Variants in UVRAG observed in about 807,000 individuals in gnomAD.
UVRAG encodes the protein UV radiation resistance-associated gene protein.
In UVRAG, 19 loss-of-function variants were observed where a neutral mutation model predicts 78.0. The ratio of observed to expected loss-of-function variants is 0.24; its 90% CI spans 0.17 to 0.36. The LOEUF (loss-of-function observed/expected upper bound fraction) is 0.36. Ranked by LOEUF, UVRAG falls within the 10% of genes least tolerant of loss-of-function variation. The probability of loss-of-function intolerance (pLI) is 1.00; values close to 1 mark genes in which losing one functional copy is unlikely to be tolerated. For synonymous variants in UVRAG, 323 were observed against 324.6 expected (o/e 1.00, Z 0.05); for missense variants, 740 against 853.8 (o/e 0.87, Z 1.66).
At chr11:75,960,960 G>T (rs906120477) in intron 6 of UVRAG, among the ~76,000 whole-genome samples, 26 of 151,900 alleles carry the variant, frequency 1.7e-4, no homozygotes, top group East Asian at 1.9e-4. Context: ...TCATCTTTTG[G>T]TTTTTTCTTA....
intron 6 of UVRAG, among the ~76,000 whole-genome samples, chr11:75,922,476 A>G (rs1947999191): frequency 6.6e-6 from 1 of 152,112 alleles, no homozygotes; most frequent in South Asian, 2.1e-4. Context: ...ATCATCAGTA[A>G]AAGGATAGGC....
chr11:75,895,950 A>G (rs1186929797), intron 5 of UVRAG, among the ~76,000 whole-genome samples: 2 of 152,248 alleles, frequency 1.3e-5, no homozygotes, highest in African/African-American at 4.8e-5. Context: ...GGGATACAAA[A>G]GTATAAGACA....
intron 2 of UVRAG, among the ~76,000 whole-genome samples, chr11:75,861,229 A>G (rs1565350167): frequency 6.6e-6 from 1 of 152,234 alleles, no homozygotes; most frequent in South Asian, 2.1e-4. Flanking sequence ...TTAAAGAGAC[A>G]TAGTGTTAGT....
At chr11:75,998,403 C>T (rs1032198042) in intron 8 of UVRAG, among the ~76,000 whole-genome samples, 1 of 152,056 alleles carries the variant, frequency 6.6e-6, no homozygotes, top group Non-Finnish European at 1.5e-5. Context: ...ACAGACAATA[C>T]AAAGAATGGA....
At chr11:76,009,167 A>G (rs972479064) in intron 11 of UVRAG, among the ~76,000 whole-genome samples, 13 of 152,138 alleles carry the variant, frequency 8.5e-5, no homozygotes, top group Non-Finnish European at 1.6e-4. Flanking sequence ...TTTTGGTTTG[A>G]TTTTTATGAA....
chr11:76,080,182 A>C (rs181574368), intron 13 of UVRAG, among the ~76,000 whole-genome samples: 13 of 152,304 alleles, frequency 8.5e-5, no homozygotes, highest in Admixed American at 8.5e-4. Flanking sequence ...GTGGCAACCA[A>C]ATTTCAACAT....
At chr11:76,065,268 A>T (rs1951165086) in intron 12 of UVRAG, among the ~76,000 whole-genome samples, 1 of 152,246 alleles carries the variant, frequency 6.6e-6, no homozygotes, top group Admixed American at 6.5e-5. Flanking sequence ...ACCTTAAAAG[A>T]AACAGAAATC....
At chr11:75,932,899 GA>G (rs1382380153) in intron 6 of UVRAG, among the ~76,000 whole-genome samples, 1 of 152,144 alleles carries the variant, frequency 6.6e-6, no homozygotes, top group African/African-American at 2.4e-5. Flanking sequence ...AGATTTAGAA[GA>G]ATTAATATTG....
intron 1 of UVRAG, among the ~76,000 whole-genome samples, chr11:75,839,852 CATATAT>C (rs547913913): frequency 6.7e-6 from 1 of 149,970 alleles, no homozygotes; most frequent in African/African-American, 2.5e-5. Flanking sequence ...CACCCCCACA[CATATAT>C]ATATAGAGAG....
At chr11:75,983,712 A>C in intron 8 of UVRAG, 199 bp downstream of exon 8, 2 of 687,986 alleles carry the variant, frequency 2.9e-6, no homozygotes, top group Middle Eastern at 4.3e-4. Flanking sequence ...ACAAGCTCAG[A>C]TGGTATAAAC....
intron 3 of UVRAG, among the ~76,000 whole-genome samples, chr11:75,865,725 T>C (rs538022888): frequency 6.6e-6 from 1 of 152,126 alleles, no homozygotes; most frequent in East Asian, 2.0e-4. Context: ...AATGATTCTC[T>C]TGCTTCAGCC....
At chr11:75,974,108 T>C (rs1399638863) in intron 7 of UVRAG, among the ~76,000 whole-genome samples, 2 of 152,216 alleles carry the variant, frequency 1.3e-5, no homozygotes, top group African/African-American at 4.8e-5. Flanking sequence ...TTTCTAGTTC[T>C]AGATCCTTGA....
chr11:75,966,780 G>C (rs1949032440), intron 7 of UVRAG, among the ~76,000 whole-genome samples: 1 of 152,154 alleles, frequency 6.6e-6, no homozygotes, highest in African/African-American at 2.4e-5. Context: ...ACTTGGTTAG[G>C]CTCAAACTGT....
chr11:75,821,810 C>T (rs868611343), intron 1 of UVRAG, among the ~76,000 whole-genome samples: 11 of 152,200 alleles, frequency 7.2e-5, no homozygotes, highest in African/African-American at 1.9e-4. Flanking sequence ...TGTAGGATGC[C>T]ACTCTTCTGG....
intron 7 of UVRAG, among the ~76,000 whole-genome samples, chr11:75,972,480 C>A (rs530119290): frequency 6.6e-6 from 1 of 152,054 alleles, no homozygotes; most frequent in East Asian, 1.9e-4. Flanking sequence ...TTGCATGTGG[C>A]GGTCCAGTGG....
intron 1 of UVRAG, among the ~76,000 whole-genome samples, chr11:75,819,635 C>T (rs566316194): frequency 4.6e-5 from 7 of 152,162 alleles, no homozygotes; most frequent in Non-Finnish European, 4.4e-5. Context: ...TGTGAACCAC[C>T]GTGCCCGGCC....
At chr11:76,003,872 TC>T in intron 8 of UVRAG, 132 bp from the exon 9 acceptor site, 1 of 751,456 alleles carries the variant, frequency 1.3e-6, no homozygotes. Context: ...CCCCAAAAAA[TC>T]TCTGTACTCA....
chr11:76,118,384 C>G (rs1030235120), intron 14 of UVRAG, among the ~76,000 whole-genome samples: 1 of 152,000 alleles, frequency 6.6e-6, no homozygotes, highest in Non-Finnish European at 1.5e-5. Context: ...AACTTCGTTA[C>G]TTTTTCTTGT....
intron 8 of UVRAG, among the ~76,000 whole-genome samples, chr11:75,990,307 G>A (rs1436383497): frequency 6.6e-6 from 1 of 152,142 alleles, no homozygotes. Context: ...TCTCTACAAT[G>A]GGGTTAATAG....
Sources: allele counts gnomAD v4.1 joint callset (sites outside exome capture counted in the v4.1 genomes callset), GRCh38; gene constraint gnomAD v4.1.1; transcripts MANE v1.5; gene names NCBI Gene and HGNC (gene_info 2026-07-23, HGNC 2026-07-21).